Variants in TNNT3 observed in about 807,000 individuals in gnomAD.
The protein encoded by TNNT3 is troponin T3, fast skeletal type, also known as troponin T, fast skeletal muscle.
TNNT3 carries 36 observed loss-of-function variants against 54.2 expected under a neutral mutation model. That is an observed-to-expected ratio of 0.66 (90% CI 0.51 to 0.88). The LOEUF is 0.88. Among genes scored for constraint, TNNT3 ranks in the 40% least tolerant of loss-of-function variants. TNNT3 has a pLI of 0.00. For synonymous variants in TNNT3, 120 were observed against 109.7 expected (o/e 1.09, Z -0.59); for missense variants, 291 against 331.6 (o/e 0.88, Z 0.95).
rs769263638 is a variant in TNNT3 at position 1,929,031 on chromosome 11, G to T, written c.83-89G>T. 3.8e-5 allele frequency: 57 copies of T among 1,488,474 alleles called. No homozygotes were observed. The African/African-American group carries it at 7.2e-4, about 19-fold the overall frequency. 92.2% of individuals were successfully genotyped at this position (1,488,474 alleles called of 1,614,324 possible). On this transcript the variant is annotated intron_variant, in intron 6 of 15. Transcript: ENST00000278317. ...TCCGAGTGAGAGGGGTGGGCCCCTT[G>T]CCCGCCACAGGCCCCTTGCCCACTG...
At chr11:1,931,586 C>T (rs1222324634) in intron 8 of TNNT3, among the ~76,000 whole-genome samples, 1 of 152,168 alleles carries the variant, frequency 6.6e-6, no homozygotes, top group African/African-American at 2.4e-5. Flanking sequence ...CTCGTAGCTA[C>T]GGCCATTGCT....
intron 9 of TNNT3, 114 bp downstream of exon 9, chr11:1,932,628 G>A: frequency 9.8e-7 from 1 of 1,017,406 alleles, no homozygotes; most frequent in Non-Finnish European, 1.5e-6. Context: ...GGGCCTCCTG[G>A]GTCTGGGCAA....
intron 4 of TNNT3, among the ~76,000 whole-genome samples, chr11:1,923,783 G>A (rs554525505): frequency 9.2e-5 from 14 of 151,946 alleles, no homozygotes; most frequent in Non-Finnish European, 1.9e-4. Flanking sequence ...ATTAATGATG[G>A]ATGAGTCATT....
At chr11:1,923,021 C>G (rs779085305) in intron 2 of TNNT3, 27 bp from the exon 3 acceptor site, 1 of 1,613,794 alleles carries the variant, frequency 6.2e-7, no homozygotes, top group East Asian at 2.2e-5. Context: ...CTCTCTCTTT[C>G]TTTCTCTCTC....
intron 6 of TNNT3, among the ~76,000 whole-genome samples, chr11:1,928,290 C>T (rs1852209809): frequency 6.6e-6 from 1 of 152,136 alleles, no homozygotes; most frequent in Non-Finnish European, 1.5e-5. Context: ...TGGGCCCCAG[C>T]TGGGCCAGGC....
rs1230583820 is a variant in TNNT3, at chr11:1,933,852, T to G, written c.288+15T>G. The stretch of plus-strand genomic sequence containing the variant: ...AAGAGAGAATCGTGAGTGGGGCAGT[T>G]CAGGTTGCAGCAGGGGCTGGTGGAC... On this transcript the variant is annotated intron_variant, in intron 10 of 15. Coordinates refer to ENST00000278317, the MANE Select transcript of TNNT3 (RefSeq NM_006757.4). The G allele has an allele frequency of 6.2e-7, 1 of 1,612,026 alleles. No individual in the cohort carries two copies.
intron 14 of TNNT3, chr11:1,935,689 C>T: frequency 5.3e-6 from 1 of 188,506 alleles, no homozygotes; most frequent in East Asian, 1.3e-4. Flanking sequence ...GCAGACACTC[C>T]AGCATCACCA....
chr11:1,930,265 C>T (rs1368022426), intron 8 of TNNT3, among the ~76,000 whole-genome samples: 1 of 152,088 alleles, frequency 6.6e-6, no homozygotes, highest in Non-Finnish European at 1.5e-5. Context: ...CCGCAACACC[C>T]CACGGCCTTC....
At chr11:1,930,933 C>A (rs1443210701) in intron 8 of TNNT3, among the ~76,000 whole-genome samples, 2 of 152,126 alleles carry the variant, frequency 1.3e-5, no homozygotes, top group Non-Finnish European at 2.9e-5. Flanking sequence ...TCCCACCCAG[C>A]CAGCCAGACT....
At chr11:1,937,100 C>G in intron 15 of TNNT3, 97 bp downstream of exon 15, 2 of 1,336,450 alleles carry the variant, frequency 1.5e-6, no homozygotes, top group South Asian at 1.3e-5. Flanking sequence ...GGTGGCTGGC[C>G]TCGGCAGGGC....
chr11:1,930,936 G>T (rs769068741), intron 8 of TNNT3, among the ~76,000 whole-genome samples: 66 of 152,214 alleles, frequency 4.3e-4, no homozygotes, highest in Admixed American at 7.8e-4. Context: ...CACCCAGCCA[G>T]CCAGACTGTG....
chr11:1,927,308 C>T (rs926870893), intron 6 of TNNT3, among the ~76,000 whole-genome samples: 2 of 152,216 alleles, frequency 1.3e-5, no homozygotes, highest in Admixed American at 6.5e-5. Context: ...CAGACACACC[C>T]GGAGTGAGGA....
chr11:1,923,218 T>C (rs752365539), intron 3 of TNNT3, among the ~76,000 whole-genome samples, 157 bp downstream of exon 3: 6 of 152,064 alleles, frequency 3.9e-5, no homozygotes, highest in Admixed American at 2.0e-4. Context: ...AAAACAGCTG[T>C]CCAAGTGGGG....
At chr11:1,924,226 A>C (rs525529) in intron 4 of TNNT3, among the ~76,000 whole-genome samples, 91,843 of 151,826 alleles carry the variant, frequency 0.6, 28,114 homozygotes, top group East Asian at 0.75. Context: ...GCCACCCCCC[A>C]ACCCTGTGCT....
intron 8 of TNNT3, among the ~76,000 whole-genome samples, chr11:1,931,238 A>C (rs1774017286): frequency 6.6e-6 from 1 of 152,260 alleles, no homozygotes; most frequent in South Asian, 2.1e-4. Flanking sequence ...TATCATAAAT[A>C]ACGCTGGTTG....
Position 1,934,883 on chromosome 11 carries a change from C to A in TNNT3, c.645C>A (p.Phe215Leu). ...ETLHQLEIDKFEFGEKLKRQK... is the reference protein window; with the variant it reads ...ETLHQLEIDKLEFGEKLKRQK... ...TGCACCAGCTGGAGATTGACAAGTT[C>A]GAGTTTGGGGAGAAGCTGAAACGCC... The change falls in exon 14 of 16, where the codon TTC becomes TTA. Residue 215 changes from phenylalanine (F) to leucine (L), a missense_variant. Transcript: ENST00000278317. 1.2e-6 allele frequency: 2 copies of A among 1,613,634 alleles called. No individual in the cohort carries two copies. The highest frequency in any genetic ancestry group is 1.7e-6 in the Non-Finnish European group (2 of 1,180,030).
At chr11:1,934,469 G>A (rs759724628) in intron 12 of TNNT3, 24 bp downstream of exon 12, 18 of 1,610,980 alleles carry the variant, frequency 1.1e-5, no homozygotes, top group East Asian at 6.7e-5. Flanking sequence ...CTGGGAGCAC[G>A]GTGGTAGCCT....
chr11:1,936,166 G>C lies in TNNT3; in HGVS notation c.682-797G>C, dbSNP rs754406763. 3 of 1,611,656 alleles carry C rather than the reference G, an allele frequency of 1.9e-6. No individual in the cohort carries two copies. In the African/African-American group the frequency reaches 4.0e-5, roughly 22 times the overall value. ...CCAAGCTAGCCCACAGCCGGGCCTC[G>C]ATGCCCCAGCCGCCCATCCAGCCTT... On this transcript the variant is annotated intron_variant, in intron 14 of 15. Coordinates refer to ENST00000278317, the MANE Select transcript of TNNT3 (RefSeq NM_006757.4).
Position 1,934,909 on chromosome 11 carries a change from A to G in TNNT3, c.671A>G (p.Gln224Arg). 6.2e-7 allele frequency: 1 copy of G among 1,613,524 alleles called. No homozygotes were observed. Among genetic ancestry groups the G allele is most frequent in the Non-Finnish European group, 8.5e-7 (1 of 1,180,006 alleles). The change falls in exon 14 of 16, where the codon CAG (glutamine) becomes CGG (arginine). Residue 224 changes from glutamine to arginine, a missense_variant. Coordinates refer to ENST00000278317, the MANE Select transcript of TNNT3 (RefSeq NM_006757.4). ...GAGTTTGGGGAGAAGCTGAAACGCC[A>G]GAAATATGACGTGAGTCCCGGCACC... ...KFEFGEKLKR[Q>R]KYDITTLRSR... is the part of the protein sequence containing the mutation.
Sources: allele counts gnomAD v4.1 joint callset (sites outside exome capture counted in the v4.1 genomes callset), GRCh38; gene constraint gnomAD v4.1.1; transcripts MANE v1.5; gene names NCBI Gene and HGNC (gene_info 2026-07-23, HGNC 2026-07-21).